Variants in KCNH8 observed in about 807,000 individuals in gnomAD.
KCNH8 encodes the protein voltage-gated delayed rectifier potassium channel KCNH8.
In KCNH8, 70 loss-of-function variants were observed where a neutral mutation model predicts 103.6. The observed-to-expected ratio is 0.68, with a 90% CI of 0.56 to 0.82. The LOEUF is 0.82. KCNH8 is among the 40% of genes least tolerant of loss of function. The pLI, the probability that KCNH8 is intolerant of heterozygous loss-of-function variation, is 0.00. For missense variants in KCNH8, 1,217 were observed against 1,329.9 expected, an observed-to-expected ratio of 0.92 and a Z score of 1.32; for synonymous variants, 498 against 489.4, an observed-to-expected ratio of 1.02 and a Z score of -0.23.
intron 11 of KCNH8, among the ~76,000 whole-genome samples, chr3:19,479,867 T>C (rs993705754): frequency 1.3e-5 from 2 of 152,202 alleles, no homozygotes; most frequent in African/African-American, 4.8e-5. Context: ...TATGGAATGA[T>C]CTCTTTCTCT....
chr3:19,441,910 C>A (rs181427578), intron 8 of KCNH8, among the ~76,000 whole-genome samples: 91 of 152,268 alleles, frequency 6.0e-4, no homozygotes, highest in African/African-American at 2.2e-3. Context: ...ACAAACCTTC[C>A]CTCAAAGAGC....
At chr3:19,449,868 G>T (rs1036663358) in intron 8 of KCNH8, among the ~76,000 whole-genome samples, 9 of 151,956 alleles carry the variant, frequency 5.9e-5, no homozygotes, top group African/African-American at 2.2e-4. Flanking sequence ...ATATGATTGA[G>T]TATTTTTAAA....
intron 11 of KCNH8, among the ~76,000 whole-genome samples, chr3:19,497,450 T>C (rs1049409921): frequency 6.6e-6 from 1 of 152,186 alleles, no homozygotes; most frequent in African/African-American, 2.4e-5. Flanking sequence ...TGTGTCTTTG[T>C]TCTTATTAGT....
chr3:19,235,431 C>T (rs891808545), intron 1 of KCNH8, among the ~76,000 whole-genome samples: 3 of 152,094 alleles, frequency 2.0e-5, no homozygotes, highest in Non-Finnish European at 2.9e-5. Context: ...GCCTCTGGGG[C>T]ATACATATGT....
chr3:19,498,369 G>A (rs576423002), intron 11 of KCNH8, among the ~76,000 whole-genome samples: 4 of 152,058 alleles, frequency 2.6e-5, no homozygotes, highest in Non-Finnish European at 5.9e-5. Context: ...GTAGTGGCTG[G>A]TATGTTTGTT....
rs1309828534 is a variant in KCNH8, at chr3:19,169,616, T to C, written c.76+20821T>C. On this transcript the variant is annotated intron_variant, in intron 1 of 15. Coordinates refer to ENST00000328405, the MANE Select transcript of KCNH8 (RefSeq NM_144633.3). ...GTTAAGAGTATGCATAACTGGTTTT[T>C]GTTGACCGCATCTGAAAATCCTGTG... Among the ~76,000 whole-genome samples the C allele has an allele frequency of 5.9e-5, 9 of 152,370 alleles. No individual in the cohort carries two copies. The East Asian group carries it at 1.7e-3, about 29-fold the overall frequency.
rs779452308 is a variant in KCNH8 at position 19,525,001 on chromosome 3, T to C, written c.2619+6927T>C. Among the ~76,000 whole-genome samples the C allele has an allele frequency of 2.0e-5, 3 of 151,862 alleles. No homozygotes were observed. The East Asian group carries it at 5.8e-4, about 29-fold the overall frequency. The stretch of plus-strand genomic sequence containing the variant: ...AGGTCGGTTGTCAGAAGCTGTGCTC[T>C]TTTGTTTTGTAGTGACATAGTGACT... On this transcript the variant is annotated intron_variant, in intron 15 of 15. Transcript: ENST00000328405.
At chr3:19,255,464 C>T (rs984702299) in intron 2 of KCNH8, among the ~76,000 whole-genome samples, 1 of 152,062 alleles carries the variant, frequency 6.6e-6, no homozygotes. Flanking sequence ...ATTCCTTTCT[C>T]TTGCCTGATT....
intron 1 of KCNH8, among the ~76,000 whole-genome samples, chr3:19,223,190 G>C (rs572536715): frequency 6.6e-6 from 1 of 152,250 alleles, no homozygotes; most frequent in East Asian, 1.9e-4. Context: ...ATCCTGGCTT[G>C]AGGTCAGCAA....
At chr3:19,491,889 CATT>C (rs1443130891) in intron 11 of KCNH8, among the ~76,000 whole-genome samples, 1 of 152,148 alleles carries the variant, frequency 6.6e-6, no homozygotes, top group Non-Finnish European at 1.5e-5. Flanking sequence ...AATGGTATCT[CATT>C]GTGATTTTGA....
At chr3:19,296,865 T>C (rs2065002283) in intron 3 of KCNH8, among the ~76,000 whole-genome samples, 1 of 147,392 alleles carries the variant, frequency 6.8e-6, no homozygotes, top group Non-Finnish European at 1.5e-5. Context: ...ATTTTTTTCT[T>C]AAAAAAAAAA....
chr3:19,153,808 AT>A (rs1485163244), intron 1 of KCNH8, among the ~76,000 whole-genome samples: 1 of 151,338 alleles, frequency 6.6e-6, no homozygotes, highest in African/African-American at 2.4e-5. Flanking sequence ...ATTTTTTTGC[AT>A]TTTTAGTAGA....
chr3:19,265,657 A>G (rs1471732869), intron 2 of KCNH8, among the ~76,000 whole-genome samples: 1 of 151,974 alleles, frequency 6.6e-6, no homozygotes, highest in Non-Finnish European at 1.5e-5. Context: ...AAAGCCATGA[A>G]TATCTATCCA....
chr3:19,523,206 C>T (rs1401226283), intron 15 of KCNH8, among the ~76,000 whole-genome samples: 1 of 151,796 alleles, frequency 6.6e-6, no homozygotes, highest in African/African-American at 2.4e-5. Context: ...GTTTGCATTA[C>T]ATTTCATAAT....
chr3:19,379,349 C>A (rs1439940725), intron 5 of KCNH8, among the ~76,000 whole-genome samples: 2 of 152,086 alleles, frequency 1.3e-5, no homozygotes, highest in African/African-American at 4.8e-5. Context: ...CATTCAAATG[C>A]TAAATAAGAA....
At chr3:19,471,488 ACACT>A (rs2067854908) in intron 11 of KCNH8, among the ~76,000 whole-genome samples, 2 of 152,336 alleles carry the variant, frequency 1.3e-5, no homozygotes, top group South Asian at 4.1e-4. Context: ...ACAAAGCCAC[ACACT>A]CACGACAAAG....
chr3:19,413,219 A>G (rs2066810249), intron 7 of KCNH8, among the ~76,000 whole-genome samples: 1 of 151,860 alleles, frequency 6.6e-6, no homozygotes, highest in African/African-American at 2.4e-5. Context: ...GAATGAAATC[A>G]TGCCCCTTGT....
At chr3:19,518,517 G>GT (rs796082959) in intron 15 of KCNH8, among the ~76,000 whole-genome samples, 20 of 152,040 alleles carry the variant, frequency 1.3e-4, no homozygotes, top group Admixed American at 5.9e-4. Context: ...CCTCTGACTT[G>GT]TATTTGCTTG....
At chr3:19,406,200 C>G (rs1029339863) in intron 7 of KCNH8, among the ~76,000 whole-genome samples, 7 of 152,036 alleles carry the variant, frequency 4.6e-5, no homozygotes, top group African/African-American at 1.4e-4. Flanking sequence ...TCTTTATATT[C>G]TTTCAGGTTT....
Sources: allele counts gnomAD v4.1 joint callset (sites outside exome capture counted in the v4.1 genomes callset), GRCh38; gene constraint gnomAD v4.1.1; transcripts MANE v1.5; gene names NCBI Gene and HGNC (gene_info 2026-07-23, HGNC 2026-07-21).